Variants in CPHXL2 observed in about 807,000 individuals in gnomAD.
CPHXL2 encodes the protein cytoplasmic polyadenylated homeobox like 2.
chr16:75,662,496 C>T, the CPHXL2 span, among the ~76,000 whole-genome samples: 1 of 152,036 alleles, frequency 6.6e-6, no homozygotes. Context: ...ATCTTTACAG[C>T]TCTCATCCTG....
the CPHXL2 span, among the ~76,000 whole-genome samples, chr16:75,671,343 T>A: frequency 7.5e-6 from 1 of 132,900 alleles, no homozygotes; most frequent in African/African-American, 3.0e-5. Context: ...GCCTGAGTGA[T>A]AGAGTAAGAC....
At chr16:75,676,015 G>A in the CPHXL2 span, among the ~76,000 whole-genome samples, 8 of 152,128 alleles carry the variant, frequency 5.3e-5, no homozygotes, top group East Asian at 1.5e-3. Flanking sequence ...GGAGATGGAG[G>A]TTGCAGTGAG....
chr16:75,668,370 A>G, the CPHXL2 span, among the ~76,000 whole-genome samples: 3 of 151,758 alleles, frequency 2.0e-5, no homozygotes, highest in African/African-American at 4.8e-5. Context: ...CTGAGATTAC[A>G]GGCACGCACC....
the CPHXL2 span, among the ~76,000 whole-genome samples, chr16:75,662,796 CTTTTTTTTT>C: frequency 8.1e-6 from 1 of 123,162 alleles, no homozygotes; most frequent in Non-Finnish European, 1.7e-5. Context: ...GGAGATAATT[CTTTTTTTTT>C]TTTTTTTTTT....
chr16:75,674,473 C>G, the CPHXL2 span, among the ~76,000 whole-genome samples: 1 of 148,824 alleles, frequency 6.7e-6, no homozygotes, highest in South Asian at 2.1e-4. Flanking sequence ...AGTTTATGTA[C>G]AAGATTCAGA....
chr16:75,662,607 C>G, the CPHXL2 span, among the ~76,000 whole-genome samples: 1 of 151,972 alleles, frequency 6.6e-6, no homozygotes, highest in Non-Finnish European at 1.5e-5. Context: ...CAGGAAACAG[C>G]AGAAGACCAA....
the CPHXL2 span, among the ~76,000 whole-genome samples, chr16:75,674,910 A>T: frequency 6.6e-6 from 1 of 151,848 alleles, no homozygotes; most frequent in Non-Finnish European, 1.5e-5. Context: ...GGGTTTCACC[A>T]CCGGGTGCGG....
the CPHXL2 span, among the ~76,000 whole-genome samples, chr16:75,661,702 C>T: frequency 6.6e-6 from 1 of 152,022 alleles, no homozygotes; most frequent in African/African-American, 2.4e-5. Context: ...TTTTCTGATA[C>T]CATTTCTGTT....
the CPHXL2 span, among the ~76,000 whole-genome samples, chr16:75,670,687 G>C: frequency 3.0e-3 from 459 of 152,136 alleles, 14 homozygotes; most frequent in East Asian, 0.083. Flanking sequence ...GCAGAAATGA[G>C]GTTTCCCCAT....
chr16:75,672,353 G>A, the CPHXL2 span, among the ~76,000 whole-genome samples: 6 of 152,200 alleles, frequency 3.9e-5, no homozygotes, highest in South Asian at 1.2e-3. Flanking sequence ...TTGTAGGACA[G>A]AGCAAGTGAA....
chr16:75,671,875 A>T, the CPHXL2 span, among the ~76,000 whole-genome samples: 1 of 152,146 alleles, frequency 6.6e-6, no homozygotes, highest in African/African-American at 2.4e-5. Context: ...AATCCAAATC[A>T]GGGGGGCTTG....
At chr16:75,661,327 G>A in the CPHXL2 span, 1 of 398,732 alleles carries the variant, frequency 2.5e-6, no homozygotes, top group African/African-American at 2.1e-5. Flanking sequence ...TAATGTAGGA[G>A]GCTTTTTCTT....
chr16:75,670,867 T>C, the CPHXL2 span, among the ~76,000 whole-genome samples: 1 of 152,192 alleles, frequency 6.6e-6, no homozygotes, highest in Non-Finnish European at 1.5e-5. Context: ...ATTCCTGACA[T>C]CGCTTCTTCT....
the CPHXL2 span, chr16:75,661,256 G>A: frequency 2.5e-6 from 1 of 400,686 alleles, no homozygotes; most frequent in Non-Finnish European, 4.4e-6. Flanking sequence ...AGTTCTAAAG[G>A]GAAAAGATAA....
the CPHXL2 span, among the ~76,000 whole-genome samples, chr16:75,661,502 G>A: frequency 4.6e-5 from 7 of 151,750 alleles, no homozygotes; most frequent in Admixed American, 3.9e-4. Context: ...CATGGTTTAC[G>A]TGTAAACCTA....
the CPHXL2 span, among the ~76,000 whole-genome samples, chr16:75,662,612 G>A: frequency 6.6e-6 from 1 of 151,904 alleles, no homozygotes; most frequent in South Asian, 2.1e-4. Flanking sequence ...AACAGCAGAA[G>A]ACCAAATATA....
the CPHXL2 span, among the ~76,000 whole-genome samples, chr16:75,674,277 G>T: frequency 4.0e-5 from 6 of 149,390 alleles, no homozygotes; most frequent in African/African-American, 1.2e-4. Flanking sequence ...GGAGGCTGAG[G>T]CAGGACAATG....
At chr16:75,663,610 G>A in the CPHXL2 span, among the ~76,000 whole-genome samples, 7 of 152,062 alleles carry the variant, frequency 4.6e-5, no homozygotes, top group East Asian at 1.9e-4. Flanking sequence ...CAAGGTTGGC[G>A]CGGTGGCTCA....
the CPHXL2 span, among the ~76,000 whole-genome samples, chr16:75,666,719 G>T: frequency 1.3e-5 from 2 of 151,866 alleles, no homozygotes; most frequent in Non-Finnish European, 2.9e-5. Flanking sequence ...CTATACTCTG[G>T]AACAAATGGA....
Sources: gnomAD v4.1 joint callset for allele counts (sites outside exome capture counted in the v4.1 genomes callset) on GRCh38, gnomAD v4.1.1 for gene constraint, MANE v1.5 for transcripts, NCBI Gene and HGNC (gene_info 2026-07-23, HGNC 2026-07-21) for gene names.